RHOBTB2: variants seen among roughly 807,000 people sequenced by gnomAD.
RHOBTB2 encodes Rho related BTB domain containing 2.
A neutral mutation model predicts 66.5 loss-of-function variants in RHOBTB2; 39 were observed. That is an observed-to-expected ratio of 0.59 (90% confidence interval 0.45 to 0.77). The LOEUF (loss-of-function observed/expected upper bound fraction) is 0.77. RHOBTB2 is among the 30% of genes least tolerant of loss of function. The pLI is 0.00. For missense variants in RHOBTB2, 755 were observed against 999.1 expected (o/e 0.76, Z 3.29); for synonymous variants, 390 against 395.0 (o/e 0.99, Z 0.15).
chr8:22,996,549 G>T (rs868618271), upstream of RHOBTB2, among the ~76,000 whole-genome samples: 14 of 130,182 alleles, frequency 1.1e-4, no homozygotes, highest in African/African-American at 4.4e-4. Context: ...GTGTGTGTGT[G>T]TGTGTGTGTG....
At chr8:22,981,521 C>T in the RHOBTB2 span, among the ~76,000 whole-genome samples, 5 of 152,182 alleles carry the variant, frequency 3.3e-5, no homozygotes, top group Admixed American at 3.3e-4. Context: ...AGAGCTGGGT[C>T]TTTTGCCAAA....
chr8:22,966,507 G>A, the RHOBTB2 span, among the ~76,000 whole-genome samples: 2,821 of 151,970 alleles, frequency 0.019, 47 homozygotes, highest in African/African-American at 0.042. Flanking sequence ...ACATCAGGCC[G>A]GGTGTGGTGG....
At chr8:22,959,655 T>C in the RHOBTB2 span, among the ~76,000 whole-genome samples, 1 of 152,156 alleles carries the variant, frequency 6.6e-6, no homozygotes, top group Non-Finnish European at 1.5e-5. Context: ...TATCAGCTCC[T>C]AGTTATCCGC....
the RHOBTB2 span, among the ~76,000 whole-genome samples, chr8:22,966,292 G>C: frequency 7.0e-4 from 107 of 152,162 alleles, no homozygotes; most frequent in Admixed American, 4.9e-3. Flanking sequence ...GGTGGAAGTT[G>C]CAGTAAGCTG....
At chr8:22,992,343 C>T (rs1265604193) in intron 2 of RHOBTB2, among the ~76,000 whole-genome samples, 2 of 152,068 alleles carry the variant, frequency 1.3e-5, no homozygotes, top group African/African-American at 4.8e-5. Context: ...GCAAGAGATG[C>T]TAATGCCTCA....
chr8:22,995,080 G>A (rs1277354775), upstream of RHOBTB2, among the ~76,000 whole-genome samples: 4 of 152,192 alleles, frequency 2.6e-5, no homozygotes, highest in South Asian at 2.1e-4. Flanking sequence ...ATACCTTTTC[G>A]AATAGGCATT....
At position 23,006,867 on chromosome 8, in the gene RHOBTB2, C is replaced by T; in HGVS notation, c.622C>T (p.Leu208Phe). 6.2e-7 allele frequency: 1 copy of T among 1,614,142 alleles called. No individual in the cohort carries two copies. Among genetic ancestry groups the T allele is most frequent in the Non-Finnish European group, 8.5e-7 (1 of 1,180,016 alleles). ...CTTTGACAACGCCATCCGAGCTGCA[C>T]TCATCTCCCGCCGCCACCTGCAGTT... ...DVFDNAIRAA[L>F]ISRRHLQFWK... is the part of the protein sequence containing the mutation. The change falls in exon 5 of 10, where the codon CTC (leucine) becomes TTC (phenylalanine). Residue 208 changes from leucine to phenylalanine, a missense_variant. Around this residue, in one of 7 missense-constraint regions of RHOBTB2, gnomAD observed 35 missense variants for 38.1 expected, o/e 0.92. Coordinates refer to ENST00000251822, the MANE Select transcript of RHOBTB2 (RefSeq NM_015178.3). The surrounding 1 kb of genome is among the most constrained non-coding windows in gnomAD (Gnocchi z 6.1).
At chr8:22,954,225 C>T in the RHOBTB2 span, among the ~76,000 whole-genome samples, 1 of 152,200 alleles carries the variant, frequency 6.6e-6, no homozygotes, top group Non-Finnish European at 1.5e-5. Flanking sequence ...GAGATATTGA[C>T]ATGAACATGA....
At chr8:23,005,804 T>G (rs1810930327) in intron 3 of RHOBTB2, among the ~76,000 whole-genome samples, 156 bp from the exon 4 acceptor site, 6 of 152,160 alleles carry the variant, frequency 3.9e-5, no homozygotes, top group Admixed American at 3.9e-4. Flanking sequence ...GCACATAAAT[T>G]GGAGGTATTG....
upstream of RHOBTB2, chr8:22,994,563 GC>G (rs1563285039): frequency 6.5e-7 from 1 of 1,549,884 alleles, no homozygotes; most frequent in Non-Finnish European, 8.7e-7. Flanking sequence ...ACAACCAGGA[GC>G]CTGGAGGGAA....
chr8:22,952,334 C>T, the RHOBTB2 span, among the ~76,000 whole-genome samples: 1 of 152,262 alleles, frequency 6.6e-6, no homozygotes, highest in Admixed American at 6.5e-5. Context: ...TCGCTCCCTC[C>T]TCTGCATGCC....
chr8:22,999,472 T>C (rs1810688890), upstream of RHOBTB2: 17 of 838,510 alleles, frequency 2.0e-5, no homozygotes, highest in South Asian at 3.6e-4. Context: ...CTGCGGGGCG[T>C]CCAATCCCCT....
At position 23,018,137 on chromosome 8, in the gene RHOBTB2, C is replaced by G. The variant is rs1338316507; in HGVS notation, c.*668C>G. The G allele has an allele frequency of 6.6e-6, 1 of 152,478 alleles. No homozygotes were observed. Among genetic ancestry groups the G allele is most frequent in the African/African-American group, 2.4e-5 (1 of 41,428 alleles). 9.4% of individuals were successfully genotyped at this position (152,478 alleles called of 1,614,324 possible). ...ATGGGGACACAGGTCATTCAGAGCT[C>G]CAGGCCTGGAAGCAGTGCCTCTTGG... On this transcript the variant is annotated 3_prime_UTR_variant, in exon 10 of 10. Coordinates refer to ENST00000251822, the MANE Select transcript of RHOBTB2 (RefSeq NM_015178.3).
At position 23,007,103 on chromosome 8, in the gene RHOBTB2, C is replaced by T. The variant is rs538212966; in HGVS notation, c.858C>T (p.Ser286=). The T allele has an allele frequency of 3.1e-6, 5 of 1,611,032 alleles. No individual in the cohort carries two copies. The South Asian group carries it at 4.4e-5, about 14-fold the overall frequency. ...VRIFAHKIYL[S]TSSSKFYDLF... is the part of the protein sequence containing the mutation. ...TCTTTGCCCACAAGATCTACCTCTC[C>T]ACCTCTTCCTCCAAGTTCTATGACC... is the stretch of plus-strand genomic sequence containing the variant. Residue 286 remains serine (S), a synonymous_variant, in exon 5 of 10, where the codon TCC becomes TCT. Transcript: ENST00000251822.
chr8:22,967,056 T>C, the RHOBTB2 span, among the ~76,000 whole-genome samples: 3 of 152,234 alleles, frequency 2.0e-5, no homozygotes, highest in Non-Finnish European at 2.9e-5. Flanking sequence ...CTTCTGGGTA[T>C]ATATTCAAAA....
the RHOBTB2 span, among the ~76,000 whole-genome samples, chr8:22,969,621 A>C: frequency 6.6e-6 from 1 of 152,228 alleles, no homozygotes; most frequent in Non-Finnish European, 1.5e-5. Flanking sequence ...TGTTTATATA[A>C]TTTAACCGAG....
chr8:22,999,434 G>A (rs1240444594), upstream of RHOBTB2: 3 of 472,504 alleles, frequency 6.3e-6, no homozygotes, highest in African/African-American at 6.5e-5. Flanking sequence ...CGCGGGCGGT[G>A]GGCGGGAGCG....
At chr8:23,002,041 CATT>C (rs951701598) in intron 1 of RHOBTB2, among the ~76,000 whole-genome samples, 5 of 152,192 alleles carry the variant, frequency 3.3e-5, no homozygotes, top group African/African-American at 1.2e-4. Flanking sequence ...GGTGTTCTGG[CATT>C]ATTCTCACTG....
chr8:22,956,371 A>G, the RHOBTB2 span, among the ~76,000 whole-genome samples: 2 of 152,230 alleles, frequency 1.3e-5, no homozygotes, highest in East Asian at 1.9e-4. Flanking sequence ...TCATGGGACC[A>G]GTTTCTTATG....
Sources: gnomAD v4.1 joint callset for allele counts (sites outside exome capture counted in the v4.1 genomes callset) on GRCh38, gnomAD v4.1.1 for gene constraint, gnomAD v4.1.1 regional missense constraint, Gnocchi (gnomAD v3.1) non-coding constraint, MANE v1.5 for transcripts, NCBI Gene and HGNC (gene_info 2026-07-23, HGNC 2026-07-21) for gene names.